PTPRM: variants seen among roughly 807,000 people sequenced by gnomAD.
The protein encoded by PTPRM is receptor-type tyrosine-protein phosphatase mu.
In PTPRM, 47 loss-of-function variants were observed where a neutral mutation model predicts 186.7. That is an observed-to-expected ratio of 0.25 (90% CI 0.20 to 0.32). The LOEUF is 0.32. PTPRM is among the 10% of genes least tolerant of loss of function. PTPRM has a pLI of 1.00. For synonymous variants in PTPRM, 668 were observed against 674.9 expected (o/e 0.99, Z 0.16); for missense variants, 1,494 against 1,865.0 (o/e 0.80, Z 3.66).
chr18:8,177,873 TG>T (rs2146539638), intron 14 of PTPRM, among the ~76,000 whole-genome samples: 1 of 152,274 alleles, frequency 6.6e-6, no homozygotes, highest in African/African-American at 2.4e-5. Flanking sequence ...ATTCTTCCCT[TG>T]GGATGAGCTG....
At chr18:8,174,681 T>C (rs1248268560) in intron 14 of PTPRM, among the ~76,000 whole-genome samples, 1 of 152,214 alleles carries the variant, frequency 6.6e-6, no homozygotes, top group Non-Finnish European at 1.5e-5. Flanking sequence ...TGAGTAAGAA[T>C]GCACATACTT....
chr18:7,821,027 AG>A (rs1211050024), intron 2 of PTPRM, among the ~76,000 whole-genome samples: 1 of 152,216 alleles, frequency 6.6e-6, no homozygotes, highest in Non-Finnish European at 1.5e-5. Flanking sequence ...TACTGATTAG[AG>A]AAAGAGGAGG....
chr18:7,860,238 A>T (rs1267201254), intron 2 of PTPRM, among the ~76,000 whole-genome samples: 1 of 151,764 alleles, frequency 6.6e-6, no homozygotes, highest in Non-Finnish European at 1.5e-5. Flanking sequence ...AAACCCAGCT[A>T]ATTTTTGTAT....
At chr18:7,656,246 CT>C (rs1469193568) in intron 1 of PTPRM, among the ~76,000 whole-genome samples, 1 of 152,196 alleles carries the variant, frequency 6.6e-6, no homozygotes, top group Non-Finnish European at 1.5e-5. Context: ...TATTATTCAG[CT>C]TTAAAAGGGA....
chr18:7,801,476 G>C (rs566212749), intron 2 of PTPRM, among the ~76,000 whole-genome samples: 8 of 152,212 alleles, frequency 5.3e-5, no homozygotes, highest in Admixed American at 3.3e-4. Context: ...TAGGATAACA[G>C]TGCCTTCTTC....
chr18:8,129,111 C>T (rs763873451), intron 13 of PTPRM, among the ~76,000 whole-genome samples: 5 of 151,968 alleles, frequency 3.3e-5, no homozygotes, highest in East Asian at 1.9e-4. Context: ...GTAAAAGATA[C>T]GAAATACTAT....
intron 1 of PTPRM, among the ~76,000 whole-genome samples, chr18:7,626,418 T>C (rs2038064280): frequency 6.6e-6 from 1 of 152,184 alleles, no homozygotes; most frequent in Admixed American, 6.5e-5. Flanking sequence ...CATAATCTCA[T>C]ACACAGGGAC....
intron 1 of PTPRM, among the ~76,000 whole-genome samples, chr18:7,582,798 C>T (rs1378034913): frequency 1.3e-5 from 2 of 152,156 alleles, no homozygotes; most frequent in African/African-American, 2.4e-5. Flanking sequence ...CAAATAGGGT[C>T]AATCGGTGGC....
chr18:7,628,212 C>T (rs2038107044), intron 1 of PTPRM, among the ~76,000 whole-genome samples: 1 of 152,088 alleles, frequency 6.6e-6, no homozygotes. Context: ...CTGTGAACCA[C>T]TATTCATTTC....
chr18:8,073,696 G>T (rs503388), intron 8 of PTPRM, among the ~76,000 whole-genome samples: 1 of 151,962 alleles, frequency 6.6e-6, no homozygotes, highest in Admixed American at 6.5e-5. Flanking sequence ...CTTGAGCCCA[G>T]GAGATTGAGA....
intron 8 of PTPRM, among the ~76,000 whole-genome samples, chr18:8,073,662 G>A (rs2089627654): frequency 6.6e-6 from 1 of 152,150 alleles, no homozygotes; most frequent in Non-Finnish European, 1.5e-5. Context: ...CAGTACTTTG[G>A]GAGGCCAACA....
chr18:8,046,064 A>G (rs532920137), intron 7 of PTPRM, among the ~76,000 whole-genome samples: 67 of 152,226 alleles, frequency 4.4e-4, no homozygotes, highest in South Asian at 2.3e-3. Flanking sequence ...TGTTCTCATG[A>G]TAGTGAGTGA....
intron 1 of PTPRM, among the ~76,000 whole-genome samples, chr18:7,666,421 G>A (rs1486524263): frequency 1.3e-5 from 2 of 152,210 alleles, no homozygotes; most frequent in Non-Finnish European, 2.9e-5. Flanking sequence ...TGAAGAGGGA[G>A]CAGGTATCAG....
chr18:8,286,921 TA>T (rs1477326607), intron 19 of PTPRM, among the ~76,000 whole-genome samples: 1 of 152,022 alleles, frequency 6.6e-6, no homozygotes, highest in African/African-American at 2.4e-5. Context: ...AATATCACAT[TA>T]AAATTCCTTT....
intron 19 of PTPRM, among the ~76,000 whole-genome samples, chr18:8,279,348 A>G (rs527907827): frequency 6.6e-6 from 1 of 152,312 alleles, no homozygotes; most frequent in East Asian, 1.9e-4. Flanking sequence ...AGAAAGAAGG[A>G]AAGGCCTTTT....
rs1291994189 is a variant in PTPRM at position 7,668,495 on chromosome 18, C to A, written c.73+100604C>A. Among the ~76,000 whole-genome samples the A allele has an allele frequency of 6.6e-6, 1 of 152,202 alleles. No individual in the cohort carries two copies. Among genetic ancestry groups the A allele is most frequent in the African/African-American group, 2.4e-5 (1 of 41,448 alleles). On this transcript the variant is annotated intron_variant, in intron 1 of 32. Transcript: ENST00000580170. This position sits in a 1 kb window ranked among gnomAD's most constrained non-coding sequence, Gnocchi z 4.7. ...AGAGAAGAATCCTCAGAACATTAGG[C>A]AGGTGCTCCTTTCGAGACAGACACA...
intron 2 of PTPRM, among the ~76,000 whole-genome samples, chr18:7,873,145 C>T (rs901000227): frequency 7.2e-5 from 11 of 152,294 alleles, no homozygotes; most frequent in African/African-American, 2.2e-4. Flanking sequence ...TGGTTCCATA[C>T]TGTCATCATA....
intron 14 of PTPRM, among the ~76,000 whole-genome samples, chr18:8,236,118 T>C (rs2094343418): frequency 1.3e-5 from 2 of 152,214 alleles, no homozygotes; most frequent in South Asian, 4.1e-4. Context: ...AATTCAGCCA[T>C]GTCCTTACTG....
At chr18:7,819,271 G>A (rs1385526660) in intron 2 of PTPRM, among the ~76,000 whole-genome samples, 1 of 93,644 alleles carries the variant, frequency 1.1e-5, no homozygotes, top group Admixed American at 1.4e-4. Context: ...ACCCTGGCCT[G>A]CCATGCCCCC....
Sources: allele counts gnomAD v4.1 joint callset (sites outside exome capture counted in the v4.1 genomes callset), GRCh38; gene constraint gnomAD v4.1.1; non-coding constraint Gnocchi (gnomAD v3.1); transcripts MANE v1.5; gene names NCBI Gene and HGNC (gene_info 2026-07-23, HGNC 2026-07-21).